The following DOK6 variants were observed in gnomAD, a reference collection of about 807,000 sequenced individuals.
DOK6 encodes docking protein 6.
DOK6 carries 22 observed loss-of-function variants against 44.0 expected under a neutral mutation model. The observed-to-expected ratio is 0.50, with a 90% CI of 0.36 to 0.71. The LOEUF (loss-of-function observed/expected upper bound fraction) is 0.71. Among genes scored for constraint, DOK6 ranks in the 30% least tolerant of loss-of-function variants. The pLI is 0.00. For synonymous variants in DOK6, 166 were observed against 145.5 expected (o/e 1.14, Z -1.01); for missense variants, 340 against 416.4 (o/e 0.82, Z 1.60).
chr18:69,556,385 A>T (rs960672656), intron 1 of DOK6, among the ~76,000 whole-genome samples: 2 of 151,722 alleles, frequency 1.3e-5, no homozygotes, highest in Non-Finnish European at 2.9e-5. Context: ...GCTCCTAAAA[A>T]TCTCCCTGGG....
At chr18:69,753,821 A>G (rs1394107044) in intron 6 of DOK6, among the ~76,000 whole-genome samples, 3 of 99,638 alleles carry the variant, frequency 3.0e-5, no homozygotes, top group Non-Finnish European at 8.2e-5. Flanking sequence ...TCGCTGTTTG[A>G]GACTTTTTTT....
intron 2 of DOK6, among the ~76,000 whole-genome samples, chr18:69,570,368 A>C (rs1464374446): frequency 6.6e-6 from 1 of 152,164 alleles, no homozygotes; most frequent in South Asian, 2.1e-4. Context: ...AGTGAACTTA[A>C]AGATAGAACA....
At position 69,668,996 on chromosome 18, in the gene DOK6, C is replaced by G. The variant is rs190219473; in HGVS notation, c.290-8738C>G. ...GCTTGCCTTTTGTGATAGGGATGGT[C>G]AGTTCCCTGATACTGTGGCAACATG... On this transcript the variant is annotated intron_variant, in intron 3 of 7. Transcript: ENST00000382713. Among the ~76,000 whole-genome samples, 215 of 152,204 alleles carry G rather than the reference C, an allele frequency of 1.4e-3. 7 individuals carry two copies. Among genetic ancestry groups the G allele is most frequent in the Admixed American group, 0.014 (210 of 15,270 alleles).
chr18:69,608,842 C>T (rs1018274539), intron 3 of DOK6, among the ~76,000 whole-genome samples: 9 of 150,012 alleles, frequency 6.0e-5, no homozygotes, highest in South Asian at 2.1e-4. Flanking sequence ...CCCAGCTACT[C>T]GGGAGGCTGA....
At chr18:69,682,623 G>T (rs771106158) in intron 4 of DOK6, among the ~76,000 whole-genome samples, 1 of 152,124 alleles carries the variant, frequency 6.6e-6, no homozygotes, top group Non-Finnish European at 1.5e-5. Context: ...ATTGGCCAAG[G>T]CAAGTCCTAT....
intron 7 of DOK6, among the ~76,000 whole-genome samples, chr18:69,782,301 T>G (rs528712295): frequency 6.8e-6 from 1 of 147,740 alleles, no homozygotes; most frequent in Middle Eastern, 3.4e-3. Context: ...AAGCTCCACC[T>G]CCCAGGTTCA....
At chr18:69,689,210 G>T (rs562508159) in intron 4 of DOK6, among the ~76,000 whole-genome samples, 102 of 152,338 alleles carry the variant, frequency 6.7e-4, no homozygotes, top group African/African-American at 2.4e-3. Flanking sequence ...CAACTGAAAA[G>T]TGGTGTAAGA....
intron 1 of DOK6, among the ~76,000 whole-genome samples, chr18:69,518,704 A>G (rs1286668665): frequency 6.6e-6 from 1 of 152,164 alleles, no homozygotes; most frequent in African/African-American, 2.4e-5. Context: ...AAGAGAAAAC[A>G]AAAACAGAAA....
At chr18:69,742,563 A>C (rs980806293) in intron 6 of DOK6, among the ~76,000 whole-genome samples, 1 of 152,250 alleles carries the variant, frequency 6.6e-6, no homozygotes, top group Non-Finnish European at 1.5e-5. Context: ...ACTGAGAAGA[A>C]TAAAAAATTA....
chr18:69,703,677 A>G (rs1424082258), intron 5 of DOK6, among the ~76,000 whole-genome samples: 1 of 152,182 alleles, frequency 6.6e-6, no homozygotes, highest in African/African-American at 2.4e-5. Flanking sequence ...CAATCTTGTG[A>G]CTCAGACATC....
chr18:69,774,540 T>C (rs1980003454), intron 7 of DOK6, among the ~76,000 whole-genome samples: 1 of 151,920 alleles, frequency 6.6e-6, no homozygotes, highest in Non-Finnish European at 1.5e-5. Context: ...AGAGGGTAGA[T>C]CTCATGTTAA....
At chr18:69,579,688 C>T (rs907247435) in intron 2 of DOK6, among the ~76,000 whole-genome samples, 1 of 152,104 alleles carries the variant, frequency 6.6e-6, no homozygotes, top group South Asian at 2.1e-4. Flanking sequence ...CTCAGCCTCC[C>T]GAGTAGCTGG....
chr18:69,409,563 C>A (rs1382509579), intron 1 of DOK6, among the ~76,000 whole-genome samples: 1 of 152,216 alleles, frequency 6.6e-6, no homozygotes, highest in Non-Finnish European at 1.5e-5. Context: ...ATGCACTCCC[C>A]ACCTCTGCAC....
intron 2 of DOK6, among the ~76,000 whole-genome samples, chr18:69,574,457 T>C (rs1262362894): frequency 6.6e-6 from 1 of 152,082 alleles, no homozygotes; most frequent in Non-Finnish European, 1.5e-5. Context: ...ATTCTGCTTC[T>C]GGCAACTAGG....
At chr18:69,733,729 T>G (rs1456293653) in intron 5 of DOK6, among the ~76,000 whole-genome samples, 1 of 102,852 alleles carries the variant, frequency 9.7e-6, no homozygotes, top group Non-Finnish European at 2.7e-5. Flanking sequence ...TTCATAATTT[T>G]TTCATAGAGT....
chr18:69,684,913 A>G (rs1005396544), intron 4 of DOK6, among the ~76,000 whole-genome samples: 1 of 152,204 alleles, frequency 6.6e-6, no homozygotes, highest in Non-Finnish European at 1.5e-5. Context: ...AGAAACTGAC[A>G]TGGCACAGGA....
At chr18:69,463,551 G>A (rs1053293945) in intron 1 of DOK6, among the ~76,000 whole-genome samples, 2 of 152,090 alleles carry the variant, frequency 1.3e-5, no homozygotes, top group Non-Finnish European at 2.9e-5. Context: ...GAAACACTAA[G>A]CTAACTCATT....
intron 3 of DOK6, among the ~76,000 whole-genome samples, chr18:69,627,832 T>C (rs1487874099): frequency 6.6e-6 from 1 of 152,166 alleles, no homozygotes. Context: ...TGAAGAGACT[T>C]TGAAAAAGTA....
intron 3 of DOK6, among the ~76,000 whole-genome samples, chr18:69,646,434 A>T (rs920330739): frequency 6.6e-6 from 1 of 152,160 alleles, no homozygotes; most frequent in African/African-American, 2.4e-5. Context: ...AGGGAAAAAA[A>T]TTACCAGTTA....
Sources: allele counts gnomAD v4.1 joint callset (sites outside exome capture counted in the v4.1 genomes callset), GRCh38; gene constraint gnomAD v4.1.1; transcripts MANE v1.5; gene names NCBI Gene and HGNC (gene_info 2026-07-23, HGNC 2026-07-21).